CADPS2: variants seen among roughly 807,000 people sequenced by gnomAD.
The protein encoded by CADPS2 is calcium-dependent secretion activator 2.
A neutral mutation model predicts 172.5 loss-of-function variants in CADPS2; 93 were observed. That is an observed-to-expected ratio of 0.54 (90% confidence interval 0.46 to 0.64). The LOEUF (loss-of-function observed/expected upper bound fraction) is 0.64, where lower values mean the gene tolerates loss of function less well. Ranked by LOEUF, CADPS2 falls within the 30% of genes least tolerant of loss-of-function variation. The probability of loss-of-function intolerance (pLI) is 0.00; values close to 1 mark genes in which losing one functional copy is unlikely to be tolerated. For synonymous variants in CADPS2, 546 were observed against 555.2 expected, an observed-to-expected ratio of 0.98 and a Z score of 0.23; for missense variants, 1,420 against 1,565.9, an observed-to-expected ratio of 0.91 and a Z score of 1.57.
intron 1 of CADPS2, among the ~76,000 whole-genome samples, chr7:122,856,814 G>C (rs1166058624): frequency 6.6e-6 from 1 of 152,272 alleles, no homozygotes; most frequent in South Asian, 2.1e-4. Context: ...AACAATAAAA[G>C]ACATCTTTAA....
At chr7:122,507,289 G>C (rs894216646) in intron 9 of CADPS2, among the ~76,000 whole-genome samples, 2 of 152,052 alleles carry the variant, frequency 1.3e-5, no homozygotes, top group Non-Finnish European at 1.5e-5. Context: ...AAAAGCTGTA[G>C]GATGTTCAGA....
intron 7 of CADPS2, among the ~76,000 whole-genome samples, chr7:122,576,166 C>T (rs1049648812): frequency 3.3e-5 from 5 of 152,084 alleles, no homozygotes; most frequent in African/African-American, 1.2e-4. Context: ...AGAGTACTGG[C>T]CAATTATCCT....
chr7:122,731,859 G>A (rs2091678121), intron 2 of CADPS2, among the ~76,000 whole-genome samples: 1 of 151,584 alleles, frequency 6.6e-6, no homozygotes. Context: ...TGCCAACTTA[G>A]GTGGTTTAGA....
At chr7:122,661,812 C>G (rs750842439) in intron 3 of CADPS2, among the ~76,000 whole-genome samples, 12 of 152,154 alleles carry the variant, frequency 7.9e-5, no homozygotes, top group Non-Finnish European at 1.8e-4. Flanking sequence ...TACTGAATGT[C>G]TGAATCTGAG....
chr7:122,717,562 T>C (rs1361800500), intron 2 of CADPS2, among the ~76,000 whole-genome samples: 8 of 152,282 alleles, frequency 5.3e-5, no homozygotes, highest in Admixed American at 2.0e-4. Flanking sequence ...TAACTAGATG[T>C]AAATACTCAA....
chr7:122,796,870 G>T (rs1440049425), intron 1 of CADPS2, among the ~76,000 whole-genome samples: 1 of 151,996 alleles, frequency 6.6e-6, no homozygotes, highest in African/African-American at 2.4e-5. Context: ...TGATGAATGG[G>T]ATCTAACTCA....
At chr7:122,330,346 A>G (rs1206873170) in intron 28 of CADPS2, among the ~76,000 whole-genome samples, 2 of 152,208 alleles carry the variant, frequency 1.3e-5, no homozygotes, top group African/African-American at 4.8e-5. Context: ...AAGAGCAACA[A>G]AATATTTAGA....
chr7:122,576,208 G>C lies in CADPS2; in HGVS notation c.1335+4971C>G, dbSNP rs1454355421. On this transcript the variant is annotated intron_variant, in intron 7 of 29. Coordinates refer to ENST00000449022, the MANE Select transcript of CADPS2 (RefSeq NM_017954.11). ...TGTCACCAATCCATGTTTGTCTGAT[G>C]ATTAGCCTGGGTTTTGGGGCAAGAA... Among the ~76,000 whole-genome samples, 6 of 152,252 alleles carry C rather than the reference G, an allele frequency of 3.9e-5. No homozygotes were observed. The South Asian group carries it at 8.3e-4, about 21-fold the overall frequency.
rs181084854 is a variant in CADPS2, at chr7:122,353,054, C to G, written c.3505-7373G>C. On this transcript the variant is annotated intron_variant, in intron 27 of 29. Coordinates refer to ENST00000449022, the MANE Select transcript of CADPS2 (RefSeq NM_017954.11). ...TTCACGTTAATGTGCTCATCGAATT[C>G]TGAATTCTCATAATGAGGGAGGCAG... is the stretch of plus-strand genomic sequence containing the variant. Among the ~76,000 whole-genome samples the G allele has an allele frequency of 1.2e-3, 183 of 152,242 alleles. 1 individual carries two copies. Among genetic ancestry groups the G allele is most frequent in the Admixed American group, 3.2e-3 (49 of 15,292 alleles).
At chr7:122,393,839 T>C (rs191790895) in intron 20 of CADPS2, among the ~76,000 whole-genome samples, 9 of 152,232 alleles carry the variant, frequency 5.9e-5, no homozygotes, top group Admixed American at 5.2e-4. Context: ...AGGTGGTATG[T>C]TTTTATTTTC....
At chr7:122,823,284 A>T in intron 1 of CADPS2, among the ~76,000 whole-genome samples, 1 of 152,212 alleles carries the variant, frequency 6.6e-6, no homozygotes, top group African/African-American at 2.4e-5. Flanking sequence ...TTAGGGGGAA[A>T]AAATCTTCCT....
chr7:122,717,966 A>G (rs1188171610), intron 2 of CADPS2, among the ~76,000 whole-genome samples: 1 of 138,866 alleles, frequency 7.2e-6, no homozygotes. Flanking sequence ...GCATTCCACC[A>G]CACTCGGCTA....
chr7:122,576,344 G>A (rs2068034678), intron 7 of CADPS2, among the ~76,000 whole-genome samples: 1 of 152,098 alleles, frequency 6.6e-6, no homozygotes, highest in South Asian at 2.1e-4. Context: ...GAGAGTATTG[G>A]CAGCATATGT....
chr7:122,859,262 C>T (rs552184641), intron 1 of CADPS2, among the ~76,000 whole-genome samples: 1 of 152,266 alleles, frequency 6.6e-6, no homozygotes, highest in South Asian at 2.1e-4. Context: ...AGATGATTGA[C>T]TGAATATGGG....
At chr7:122,580,168 C>G (rs1186187597) in intron 7 of CADPS2, among the ~76,000 whole-genome samples, 2 of 151,848 alleles carry the variant, frequency 1.3e-5, no homozygotes, top group African/African-American at 4.8e-5. Context: ...GTTCACATTA[C>G]AGAGGGCGGG....
At position 122,414,446 on chromosome 7, in the gene CADPS2, C is replaced by T. The variant is rs576041609; in HGVS notation, c.2581-370G>A. Among the ~76,000 whole-genome samples the T allele has an allele frequency of 3.9e-4, 59 of 152,034 alleles. 1 individual carries two copies. The highest frequency in any genetic ancestry group is 1.3e-3 in the African/African-American group (55 of 41,462). Reference sequence around the variant, plus strand: ...TAATAGATTTTTTAATTCAAAAATCCTAACACTCTGACAATAATGCCTTTT... The same window carrying T: ...TAATAGATTTTTTAATTCAAAAATCTTAACACTCTGACAATAATGCCTTTT... On this transcript the variant is annotated intron_variant, in intron 18 of 29. Coordinates refer to ENST00000449022, the MANE Select transcript of CADPS2 (RefSeq NM_017954.11).
chr7:122,412,829 ACC>A (rs989209141), intron 19 of CADPS2: 2 of 152,222 alleles, frequency 1.3e-5, no homozygotes, highest in African/African-American at 4.8e-5. Context: ...TTGGAGATAT[ACC>A]AGAGTACAAG....
chr7:122,786,521 G>T (rs1050049145), intron 1 of CADPS2, among the ~76,000 whole-genome samples: 15 of 152,156 alleles, frequency 9.9e-5, no homozygotes, highest in African/African-American at 3.6e-4. Context: ...TGACCTGTAA[G>T]AATTTATGAA....
In CADPS2 at chr7:122,414,056, C is replaced by A; in HGVS notation, c.2589+12G>T. ...CCTATGCTAATAAAATAGTGGAAATCATTTTACTCACCTCTCTTCCCTGAG... is the reference window on the plus strand; with the variant it reads ...CCTATGCTAATAAAATAGTGGAAATAATTTTACTCACCTCTCTTCCCTGAG... On this transcript the variant is annotated intron_variant, in intron 19 of 29. Coordinates refer to ENST00000449022, the MANE Select transcript of CADPS2 (RefSeq NM_017954.11). 6.4e-7 allele frequency: 1 copy of A among 1,554,094 alleles called. No individual in the cohort carries two copies. Among genetic ancestry groups the A allele is most frequent in the African/African-American group, 1.4e-5 (1 of 71,892 alleles).
Sources: allele counts gnomAD v4.1 joint callset (sites outside exome capture counted in the v4.1 genomes callset), GRCh38; gene constraint gnomAD v4.1.1; transcripts MANE v1.5; gene names NCBI Gene and HGNC (gene_info 2026-07-23, HGNC 2026-07-21).